The following RAPGEF6 variants were observed in gnomAD, a reference collection of about 807,000 sequenced individuals.
RAPGEF6 encodes PDZ domain containing guanine nucleotide exchange factor (GEF) 2.
A neutral mutation model predicts 171.4 loss-of-function variants in RAPGEF6; 56 were observed. The observed-to-expected ratio is 0.33, with a 90% CI of 0.26 to 0.41. The LOEUF is 0.41. Among genes scored for constraint, RAPGEF6 ranks in the 10% least tolerant of loss-of-function variants. The pLI is 1.00. For synonymous variants in RAPGEF6, 692 were observed against 650.1 expected (o/e 1.06, Z -0.98); for missense variants, 1,674 against 1,921.4 (o/e 0.87, Z 2.41).
chr5:131,460,476 C>CG (rs1753841535), intron 19 of RAPGEF6, among the ~76,000 whole-genome samples: 1 of 152,098 alleles, frequency 6.6e-6, no homozygotes, highest in African/African-American at 2.4e-5. Flanking sequence ...AAACTGAGCC[C>CG]GTAATTTTCA....
At chr5:131,547,512 T>C (rs76390079) in intron 6 of RAPGEF6, among the ~76,000 whole-genome samples, 118 of 151,146 alleles carry the variant, frequency 7.8e-4, no homozygotes, top group African/African-American at 2.8e-3. Flanking sequence ...AGCTTACTTT[T>C]TTTTTTTTTT....
chr5:131,555,608 C>T (rs1761186760), intron 5 of RAPGEF6, among the ~76,000 whole-genome samples: 1 of 151,714 alleles, frequency 6.6e-6, no homozygotes. Flanking sequence ...ATGTATCATA[C>T]AGAATTTTTC....
chr5:131,583,040 C>T (rs1763057103), intron 4 of RAPGEF6, among the ~76,000 whole-genome samples: 5 of 152,184 alleles, frequency 3.3e-5, no homozygotes, highest in Admixed American at 6.5e-5. Context: ...ACCTTGTACA[C>T]AAATGTCCAT....
intron 4 of RAPGEF6, among the ~76,000 whole-genome samples, chr5:131,573,148 C>T (rs1214204499): frequency 6.6e-6 from 1 of 152,108 alleles, no homozygotes; most frequent in Admixed American, 6.5e-5. Flanking sequence ...CCTGGCCGCA[C>T]CTTGCCAGGC....
At chr5:131,497,956 G>C (rs1756742437) in intron 12 of RAPGEF6, among the ~76,000 whole-genome samples, 1 of 152,150 alleles carries the variant, frequency 6.6e-6, no homozygotes, top group African/African-American at 2.4e-5. Flanking sequence ...ATTTAAATAA[G>C]TCACAGGAGA....
At chr5:131,634,843 C>A in intron 1 of RAPGEF6, 119 bp downstream of exon 1, 2 of 1,178,356 alleles carry the variant, frequency 1.7e-6, no homozygotes, top group Non-Finnish European at 2.5e-6. Flanking sequence ...CTCAAGCGAA[C>A]AGATTCCCAG....
At chr5:131,615,183 T>C (rs1765188137) in intron 1 of RAPGEF6, among the ~76,000 whole-genome samples, 1 of 152,220 alleles carries the variant, frequency 6.6e-6, no homozygotes, top group African/African-American at 2.4e-5. Context: ...ACAACAAGCA[T>C]TAAGATGCCT....
At chr5:131,613,717 T>G (rs1248872303) in intron 1 of RAPGEF6, among the ~76,000 whole-genome samples, 1 of 152,150 alleles carries the variant, frequency 6.6e-6, no homozygotes, top group African/African-American at 2.4e-5. Flanking sequence ...TGGCCAAGCA[T>G]GAATGAGCTC....
chr5:131,498,631 A>T, intron 11 of RAPGEF6, 24 bp from the exon 12 acceptor site: 1 of 1,601,374 alleles, frequency 6.2e-7, no homozygotes, highest in Non-Finnish European at 8.5e-7. Context: ...GATAGGAAGG[A>T]TTAGAAAATA....
chr5:131,590,024 G>A (rs1400833722), intron 4 of RAPGEF6, among the ~76,000 whole-genome samples: 14 of 152,274 alleles, frequency 9.2e-5, no homozygotes, highest in African/African-American at 2.2e-4. Context: ...TTGTCTTTGG[G>A]AACTCGCCCT....
At chr5:131,522,026 C>T (rs754256908) in intron 6 of RAPGEF6, among the ~76,000 whole-genome samples, 1 of 152,136 alleles carries the variant, frequency 6.6e-6, no homozygotes, top group Non-Finnish European at 1.5e-5. Context: ...AGACCAGTAA[C>T]AAGTTGATTA....
At chr5:131,489,486 G>A (rs553596511) in intron 15 of RAPGEF6, 60 bp downstream of exon 15, 7 of 954,894 alleles carry the variant, frequency 7.3e-6, no homozygotes, top group South Asian at 4.6e-5. Flanking sequence ...CCACTGTAAT[G>A]ACTTTTCTAT....
intron 6 of RAPGEF6, among the ~76,000 whole-genome samples, chr5:131,542,409 A>G (rs1760213342): frequency 6.6e-6 from 1 of 152,148 alleles, no homozygotes; most frequent in Non-Finnish European, 1.5e-5. Flanking sequence ...GTTATCTATC[A>G]AGACAGACAT....
At chr5:131,612,350 T>C in intron 1 of RAPGEF6, among the ~76,000 whole-genome samples, 1 of 152,030 alleles carries the variant, frequency 6.6e-6, no homozygotes, top group East Asian at 1.9e-4. Context: ...AAATAGGCTT[T>C]GCGTTAGATG....
chr5:131,603,377 T>C, intron 2 of RAPGEF6, 50 bp from the exon 3 acceptor site: 1 of 1,244,988 alleles, frequency 8.0e-7, no homozygotes, highest in Non-Finnish European at 1.1e-6. Flanking sequence ...GTTTTTAAAA[T>C]TGTTATAATT....
chr5:131,563,277 C>CA (rs1761720634), intron 4 of RAPGEF6, among the ~76,000 whole-genome samples: 1 of 151,354 alleles, frequency 6.6e-6, no homozygotes, highest in Non-Finnish European at 1.5e-5. Flanking sequence ...AACAAAATAC[C>CA]AAAAAACATC....
chr5:131,483,029 A>G (rs190799698), intron 15 of RAPGEF6, among the ~76,000 whole-genome samples: 102 of 152,316 alleles, frequency 6.7e-4, no homozygotes, highest in African/African-American at 2.4e-3. Context: ...TAGTGTGTAT[A>G]TAAGGTAACT....
chr5:131,606,029 C>CA (rs1168486376), intron 1 of RAPGEF6, among the ~76,000 whole-genome samples: 778 of 70,394 alleles, frequency 0.011, 19 homozygotes, highest in African/African-American at 0.032. Context: ...GACTCCATCT[C>CA]AAAAAAAAAA....
At chr5:131,496,173 T>C (rs1274705621) in intron 12 of RAPGEF6, among the ~76,000 whole-genome samples, 1 of 152,180 alleles carries the variant, frequency 6.6e-6, no homozygotes, top group African/African-American at 2.4e-5. Flanking sequence ...ACCCTGTCTC[T>C]ATAAAAATTA....
Sources: gnomAD v4.1 joint callset for allele counts (sites outside exome capture counted in the v4.1 genomes callset) on GRCh38, gnomAD v4.1.1 for gene constraint, MANE v1.5 for transcripts, NCBI Gene and HGNC (gene_info 2026-07-23, HGNC 2026-07-21) for gene names.